PRMT8: variants seen among roughly 807,000 people sequenced by gnomAD.
PRMT8 encodes the protein protein arginine methyltransferase 8.
PRMT8 carries 7 observed loss-of-function variants against 47.1 expected under a neutral mutation model. The observed-to-expected ratio is 0.15, with a 90% CI of 0.08 to 0.28. PRMT8 has a LOEUF of 0.28. PRMT8 is among the 10% of genes least tolerant of loss of function. The probability of loss-of-function intolerance (pLI) is 1.00; values close to 1 mark genes in which losing one functional copy is unlikely to be tolerated. For missense variants in PRMT8, 237 were observed against 505.4 expected, an observed-to-expected ratio of 0.47 and a Z score of 5.09; for synonymous variants, 188 against 186.5, an observed-to-expected ratio of 1.01 and a Z score of -0.07.
Position 3,585,345 on chromosome 12 carries a change from C to CTTTTT in PRMT8, c.979+2160_979+2164dup, listed in dbSNP as rs71061123. On this transcript the variant is annotated intron_variant, in intron 8 of 9. Transcript: ENST00000382622. ...TCCAGAAGCCATGAAGAAAATGATG[C>CTTTTT]TTTTTTTTTTTTTTTTTTTTTTTTT... Among the ~76,000 whole-genome samples, 128 of 45,786 alleles carry CTTTTT rather than the reference C, an allele frequency of 2.8e-3. 33 individuals carry two copies. The highest frequency in any genetic ancestry group is 0.01 in the African/African-American group (115 of 11,020). 30.0% of individuals were successfully genotyped at this position (45,786 alleles called of 152,430 possible). A position where few individuals can be genotyped will look rare whatever the true frequency, so the allele number is the denominator to read the frequency against.
Position 3,397,565 on chromosome 12 carries a change from C to T in PRMT8, c.48+16123C>T, listed in dbSNP as rs551385738. Among the ~76,000 whole-genome samples the T allele has an allele frequency of 7.4e-3, 1,125 of 151,530 alleles. 7 individuals carry two copies. Among genetic ancestry groups the T allele is most frequent in the Non-Finnish European group, 0.011 (756 of 67,832 alleles). ...GACCCACTTGAGGAGGCAGTCTGCCCGTTCTCAGATCTCCAGCTGCGTGCT... is the reference window on the plus strand; with the variant it reads ...GACCCACTTGAGGAGGCAGTCTGCCTGTTCTCAGATCTCCAGCTGCGTGCT... On this transcript the variant is annotated intron_variant, in intron 1 of 9. Coordinates refer to the PRMT8 transcript ENST00000452611.
At chr12:3,391,156 CACCT>C (rs930424959) in intron 1 of PRMT8, among the ~76,000 whole-genome samples, 4 of 152,138 alleles carry the variant, frequency 2.6e-5, no homozygotes, top group Non-Finnish European at 5.9e-5. Context: ...CTTTAATGAG[CACCT>C]ATTATGTGCC....
chr12:3,496,216 T>TATA lies in PRMT8; in HGVS notation c.75+4516_75+4517insATA, dbSNP rs34970187. On this transcript the variant is annotated intron_variant, in intron 1 of 9. Transcript: ENST00000382622. ...TGGAAACTGATATATATATATATAT[T>TATA]TTTTTTTTTTTTTTTTTTTTTTTTG... 1.9e-3 allele frequency among the ~76,000 whole-genome samples: 38 copies of TATA among 19,970 alleles called. No individual in the cohort carries two copies. The South Asian group carries it at 0.019, about 10-fold the overall frequency. The allele number at this position is 19,970 out of a possible 152,430, so 13.1% of individuals were successfully genotyped here. A position where few individuals can be genotyped will look rare whatever the true frequency, so the allele number is the denominator to read the frequency against.
intron 4 of PRMT8, among the ~76,000 whole-genome samples, chr12:3,554,471 G>A (rs1300150576): frequency 2.6e-5 from 4 of 152,216 alleles, no homozygotes; most frequent in Non-Finnish European, 5.9e-5. Context: ...GTCCTACTGC[G>A]CCGGGGCTGC....
chr12:3,484,937 C>T (rs868133320), intron 1 of PRMT8, among the ~76,000 whole-genome samples: 2 of 152,156 alleles, frequency 1.3e-5, no homozygotes, highest in African/African-American at 4.8e-5. Flanking sequence ...TGGGCTTCTA[C>T]TAGGCACTGG....
intron 1 of PRMT8, among the ~76,000 whole-genome samples, chr12:3,388,939 G>A (rs778357492): frequency 3.9e-5 from 6 of 152,132 alleles, no homozygotes; most frequent in South Asian, 2.1e-4. Context: ...CTGGAATGTG[G>A]TGAATAAATT....
At position 3,549,959 on chromosome 12, in the gene PRMT8, G is replaced by T; in HGVS notation, c.285G>T (p.Arg95=). The change falls in exon 3 of 10, where the codon CGG becomes CGT. Residue 95 remains arginine (R), a synonymous_variant. Transcript: ENST00000382622. The part of the protein sequence containing the change: ...IHEEMLKDEV[R]TLTYRNSMYH... ...AGGAAATGCTGAAGGATGAGGTGCG[G>T]ACTCTCACTTACCGGAACTCCATGT... is the stretch of plus-strand genomic sequence containing the variant. 1 of 1,614,142 alleles carries T rather than the reference G, an allele frequency of 6.2e-7. No homozygotes were observed. Among genetic ancestry groups the T allele is most frequent in the Non-Finnish European group, 8.5e-7 (1 of 1,179,992 alleles).
intron 7 of PRMT8, among the ~76,000 whole-genome samples, chr12:3,582,769 C>G (rs1241561950): frequency 1.6e-4 from 25 of 152,156 alleles, no homozygotes; most frequent in Admixed American, 1.6e-3. Context: ...TCTCCCTTCC[C>G]CATCATCCCC....
rs1356332902 is a variant in PRMT8, at chr12:3,547,186, A to T, written c.262-2750A>T. On this transcript the variant is annotated intron_variant, in intron 2 of 9. Coordinates refer to ENST00000382622, the MANE Select transcript of PRMT8 (RefSeq NM_019854.5). ...AATGGATATATTATTGGAACAAAGG[A>T]AGGATGTCTGTCCTCTGTAATTCTA... 2.6e-5 allele frequency among the ~76,000 whole-genome samples: 4 copies of T among 152,244 alleles called. No individual in the cohort carries two copies. The East Asian group carries it at 7.7e-4, about 29-fold the overall frequency.
intron 1 of PRMT8, among the ~76,000 whole-genome samples, chr12:3,504,521 A>AG (rs1865583367): frequency 8.7e-6 from 1 of 114,822 alleles, no homozygotes; most frequent in South Asian, 4.1e-4. Flanking sequence ...CTCGGGGGTC[A>AG]GGGGTCAGGG....
chr12:3,538,808 C>T lies in PRMT8; in HGVS notation c.76-1798C>T. 2.0e-6 allele frequency: 1 copy of T among 509,304 alleles called. No homozygotes were observed. Among genetic ancestry groups the T allele is most frequent in the Non-Finnish European group, 3.9e-6 (1 of 253,380 alleles). 31.5% of individuals were successfully genotyped at this position (509,304 alleles called of 1,614,324 possible). A position where few individuals can be genotyped will look rare whatever the true frequency, so the allele number is the denominator to read the frequency against. ...CCCAAGCTGAGAGTGGGCACACCTG[C>T]TGCATTCTAATGAGGCAGCCCCACT... On this transcript the variant is annotated intron_variant, in intron 1 of 9. Coordinates refer to ENST00000382622, the MANE Select transcript of PRMT8 (RefSeq NM_019854.5). This position sits in a 1 kb window ranked among gnomAD's most constrained non-coding sequence, Gnocchi z 4.6.
At chr12:3,524,813 C>G (rs1313329392) in intron 1 of PRMT8, among the ~76,000 whole-genome samples, 1 of 152,186 alleles carries the variant, frequency 6.6e-6, no homozygotes, top group Admixed American at 6.5e-5. Flanking sequence ...GCCTATCAAA[C>G]ACCCAATCTT....
chr12:3,454,770 T>C (rs941765749), intron 1 of PRMT8, among the ~76,000 whole-genome samples: 6 of 152,182 alleles, frequency 3.9e-5, no homozygotes, highest in South Asian at 2.1e-4. Context: ...CCTCGTGTTG[T>C]TTGCTGCCTA....
chr12:3,593,439 G>T lies in PRMT8; in HGVS notation c.*257G>T. 1 of 478,984 alleles carries T rather than the reference G, an allele frequency of 2.1e-6. No individual in the cohort carries two copies. Among genetic ancestry groups the T allele is most frequent in the East Asian group, 4.1e-5 (1 of 24,268 alleles). 29.7% of individuals were successfully genotyped at this position (478,984 alleles called of 1,614,324 possible). ...ACAAAGAGCGACCTGGCGTGCTGTG[G>T]CTGGGCCCCGAGGGTGGAAACGTAT... On this transcript the variant is annotated 3_prime_UTR_variant, in exon 10 of 10. Coordinates refer to ENST00000382622, the MANE Select transcript of PRMT8 (RefSeq NM_019854.5). This position sits in a 1 kb window ranked among gnomAD's most constrained non-coding sequence, Gnocchi z 4.8.
Position 3,549,972 on chromosome 12 carries a change from C to A in PRMT8, c.298C>A (p.Arg100=). ...GGATGAGGTGCGGACTCTCACTTAC[C>A]GGAACTCCATGTACCACAACAAGCA... The part of the protein sequence containing the change: ...LKDEVRTLTY[R]NSMYHNKHVF... The change falls in exon 3 of 10, where the codon CGG becomes AGG. Residue 100 remains arginine (R), a synonymous_variant. Coordinates refer to ENST00000382622, the MANE Select transcript of PRMT8 (RefSeq NM_019854.5). 1 of 1,614,152 alleles carries A rather than the reference C, an allele frequency of 6.2e-7. No individual in the cohort carries two copies. The highest frequency in any genetic ancestry group is 8.5e-7 in the Non-Finnish European group (1 of 1,180,004).
At chr12:3,413,374 A>T (rs1219768380) in intron 1 of PRMT8, among the ~76,000 whole-genome samples, 2 of 152,072 alleles carry the variant, frequency 1.3e-5, no homozygotes, top group African/African-American at 4.8e-5. Context: ...AGTCAATTAA[A>T]CCTTTTTCTT....
chr12:3,398,184 T>G (rs945031251), intron 1 of PRMT8, among the ~76,000 whole-genome samples: 3 of 152,186 alleles, frequency 2.0e-5, no homozygotes, highest in Non-Finnish European at 2.9e-5. Flanking sequence ...GCTCATGCTG[T>G]GAGCTGTAGA....
In PRMT8 at chr12:3,476,323, C is replaced by G. The variant is rs184135132; in HGVS notation, c.49-64283C>G. Among the ~76,000 whole-genome samples, 42 of 152,302 alleles carry G rather than the reference C, an allele frequency of 2.8e-4. 1 individual carries two copies. In the East Asian group the frequency reaches 7.5e-3, roughly 27 times the overall value. ...GTGAGTTCTCCTCTATGTAGGGTGC[C>G]AGACACGTGGGCTTGTTGGGTACTG... On this transcript the variant is annotated intron_variant, in intron 1 of 9. Coordinates refer to the PRMT8 transcript ENST00000452611.
intron 1 of PRMT8, among the ~76,000 whole-genome samples, chr12:3,441,092 A>G (rs1391360376): frequency 6.6e-6 from 1 of 152,190 alleles, no homozygotes; most frequent in Non-Finnish European, 1.5e-5. Flanking sequence ...GGATATTTGA[A>G]TTGATGTATC....
Sources: allele counts gnomAD v4.1 joint callset (sites outside exome capture counted in the v4.1 genomes callset), GRCh38; gene constraint gnomAD v4.1.1; non-coding constraint Gnocchi (gnomAD v3.1); transcripts MANE v1.5; gene names NCBI Gene and HGNC (gene_info 2026-07-23, HGNC 2026-07-21).